The following LHFPL3 variants were observed in gnomAD, a reference collection of about 807,000 sequenced individuals.
LHFPL3 encodes the protein LHFPL tetraspan subfamily member 3.
A neutral mutation model predicts 19.3 loss-of-function variants in LHFPL3; 5 were observed. The observed-to-expected ratio is 0.26, with a 90% CI of 0.14 to 0.54. The LOEUF (loss-of-function observed/expected upper bound fraction) is 0.54, where lower values mean the gene tolerates loss of function less well. Ranked by LOEUF, LHFPL3 falls within the 20% of genes least tolerant of loss-of-function variation. The probability of loss-of-function intolerance (pLI) is 0.94; values close to 1 mark genes in which losing one functional copy is unlikely to be tolerated. For missense variants in LHFPL3, 249 were observed against 307.4 expected (o/e 0.81, Z 1.42); for synonymous variants, 133 against 126.2 (o/e 1.05, Z -0.36).
chr7:104,444,944 C>T (rs182936787), intron 1 of LHFPL3, among the ~76,000 whole-genome samples: 665 of 151,784 alleles, frequency 4.4e-3, no homozygotes, highest in Non-Finnish European at 7.3e-3. Context: ...GTTGAAATCG[C>T]GCCATTGCAT....
intron 2 of LHFPL3, among the ~76,000 whole-genome samples, chr7:104,831,052 A>G (rs1179324765): frequency 2.0e-5 from 3 of 151,920 alleles, no homozygotes; most frequent in African/African-American, 7.3e-5. Context: ...AAGGACTAGA[A>G]AGAATAAAAA....
intron 1 of LHFPL3, among the ~76,000 whole-genome samples, chr7:104,596,568 C>T (rs1014689957): frequency 6.6e-6 from 1 of 152,222 alleles, no homozygotes. Context: ...ATTAAAACCC[C>T]TCTGTTCCGG....
chr7:104,773,299 A>G (rs555060274), intron 2 of LHFPL3, among the ~76,000 whole-genome samples: 4 of 152,146 alleles, frequency 2.6e-5, no homozygotes, highest in Non-Finnish European at 5.9e-5. Flanking sequence ...CTGCTCAGAG[A>G]TGGAGGAAGG....
chr7:104,434,269 G>A (rs1029197042), intron 1 of LHFPL3, among the ~76,000 whole-genome samples: 2 of 152,208 alleles, frequency 1.3e-5, no homozygotes, highest in Non-Finnish European at 2.9e-5. Context: ...TTGTATGTGT[G>A]ACTACTTTAT....
intron 2 of LHFPL3, among the ~76,000 whole-genome samples, chr7:104,737,705 T>C (rs1793855594): frequency 6.6e-6 from 1 of 152,188 alleles, no homozygotes; most frequent in Admixed American, 6.5e-5. Context: ...TAGACTTAGA[T>C]TCATTTAACA....
At chr7:104,844,321 T>C (rs1791272191) in intron 2 of LHFPL3, among the ~76,000 whole-genome samples, 1 of 152,234 alleles carries the variant, frequency 6.6e-6, no homozygotes, top group African/African-American at 2.4e-5. Flanking sequence ...GGCAGGGCAA[T>C]ACCTGAGGAT....
intron 1 of LHFPL3, among the ~76,000 whole-genome samples, chr7:104,492,730 C>T (rs1793382386): frequency 6.6e-6 from 1 of 152,106 alleles, no homozygotes; most frequent in Non-Finnish European, 1.5e-5. Flanking sequence ...TATAACAGTC[C>T]TCAAATTCCT....
At chr7:104,427,724 C>A (rs896298258) in intron 1 of LHFPL3, among the ~76,000 whole-genome samples, 1 of 152,278 alleles carries the variant, frequency 6.6e-6, no homozygotes, top group Non-Finnish European at 1.5e-5. Flanking sequence ...ATGAGCAGAC[C>A]AGTGGTTGAT....
chr7:104,793,549 GT>G, intron 2 of LHFPL3, among the ~76,000 whole-genome samples: 1 of 152,160 alleles, frequency 6.6e-6, no homozygotes, highest in East Asian at 1.9e-4. Context: ...CCACAAAAAG[GT>G]AACACATTTT....
chr7:104,398,281 T>G (rs1029921707), intron 1 of LHFPL3, among the ~76,000 whole-genome samples: 1 of 152,170 alleles, frequency 6.6e-6, no homozygotes, highest in Admixed American at 6.5e-5. Flanking sequence ...TTATCTTCCA[T>G]GTCAAAAGTA....
rs150950487 is a variant in LHFPL3, at chr7:104,350,174, T to G, written c.445+20950T>G. ...GTCACCACATGTGGCTATTTAAATT[T>G]AAATTTAAATTTAAATGAAATGAAA... On this transcript the variant is annotated intron_variant, in intron 1 of 2. Coordinates refer to ENST00000424859, the MANE Select transcript of LHFPL3 (RefSeq NM_199000.3). Among the ~76,000 whole-genome samples the G allele has an allele frequency of 2.2e-3, 337 of 152,318 alleles. 1 individual carries two copies. Among genetic ancestry groups the G allele is most frequent in the South Asian group, 8.7e-3 (42 of 4,828 alleles).
At chr7:104,412,758 T>C (rs879482976) in intron 1 of LHFPL3, among the ~76,000 whole-genome samples, 2 of 152,028 alleles carry the variant, frequency 1.3e-5, no homozygotes, top group Admixed American at 1.3e-4. Flanking sequence ...TTATGTGACA[T>C]TTTCTATTTT....
chr7:104,797,407 G>A (rs1041739963), intron 2 of LHFPL3, among the ~76,000 whole-genome samples: 4 of 151,988 alleles, frequency 2.6e-5, no homozygotes, highest in African/African-American at 7.3e-5. Flanking sequence ...GCCAAATGAG[G>A]CCTCCTTAGC....
chr7:104,732,510 G>A (rs1042743001), intron 1 of LHFPL3, among the ~76,000 whole-genome samples: 1 of 152,182 alleles, frequency 6.6e-6, no homozygotes, highest in African/African-American at 2.4e-5. Context: ...GTTTGTTTTT[G>A]TAGAGGTGTT....
rs139584986 is a variant in LHFPL3, at chr7:104,701,570, C to G, written c.446-35105C>G. Among the ~76,000 whole-genome samples, 6 of 152,104 alleles carry G rather than the reference C, an allele frequency of 3.9e-5. No individual in the cohort carries two copies. The Middle Eastern group carries it at 0.014, about 345-fold the overall frequency. On this transcript the variant is annotated intron_variant, in intron 1 of 2. Coordinates refer to ENST00000424859, the MANE Select transcript of LHFPL3 (RefSeq NM_199000.3). ...GTCTTTATGTTTGTTGTCTTCACAC[C>G]GAGTAGGCTGAAGAGGACAAGGAAA...
At chr7:104,772,700 C>A (rs1794574736) in intron 2 of LHFPL3, among the ~76,000 whole-genome samples, 1 of 152,218 alleles carries the variant, frequency 6.6e-6, no homozygotes, top group Non-Finnish European at 1.5e-5. Context: ...AAAGCATTCT[C>A]AGCTCCTGCC....
intron 1 of LHFPL3, among the ~76,000 whole-genome samples, chr7:104,696,518 C>G (rs1792999546): frequency 1.3e-5 from 2 of 151,644 alleles, no homozygotes; most frequent in African/African-American, 4.8e-5. Flanking sequence ...CAAAGCCCAC[C>G]TTATAAAGGA....
chr7:104,427,149 G>A (rs1300664601), intron 1 of LHFPL3, among the ~76,000 whole-genome samples: 1 of 152,174 alleles, frequency 6.6e-6, no homozygotes, highest in East Asian at 1.9e-4. Flanking sequence ...CCTGGCCATT[G>A]TCAGCAGTCG....
At chr7:104,387,579 C>T (rs1168509534) in intron 1 of LHFPL3, among the ~76,000 whole-genome samples, 2 of 151,740 alleles carry the variant, frequency 1.3e-5, no homozygotes, top group Non-Finnish European at 2.9e-5. Flanking sequence ...TCAAGCATAC[C>T]AATATATGCA....
Sources: gnomAD v4.1 joint callset for allele counts (sites outside exome capture counted in the v4.1 genomes callset) on GRCh38, gnomAD v4.1.1 for gene constraint, MANE v1.5 for transcripts, NCBI Gene and HGNC (gene_info 2026-07-23, HGNC 2026-07-21) for gene names.